The following DACH2 variants were observed in gnomAD, a reference collection of about 807,000 sequenced individuals.
The protein encoded by DACH2 is dachshund homolog 2.
DACH2 carries 17 observed loss-of-function variants against 35.8 expected under a neutral mutation model. The ratio of observed to expected loss-of-function variants is 0.48; its 90% CI spans 0.33 to 0.71. The LOEUF is 0.71. Among genes scored for constraint, DACH2 ranks in the 30% least tolerant of loss-of-function variants. The pLI, the probability that DACH2 is intolerant of heterozygous loss-of-function variation, is 0.02. For synonymous variants in DACH2, 195 were observed against 177.3 expected, an observed-to-expected ratio of 1.10 and a Z score of -0.79; for missense variants, 469 against 472.7, an observed-to-expected ratio of 0.99 and a Z score of 0.07.
intron 2 of DACH2, among the ~76,000 whole-genome samples, chrX:86,436,633 C>T (rs768672938): frequency 9.0e-6 from 1 of 110,683 alleles, no homozygotes; most frequent in East Asian, 2.8e-4. Flanking sequence ...GTTTTGGTAT[C>T]AGGTTAATGC....
intron 2 of DACH2, among the ~76,000 whole-genome samples, chrX:86,390,598 T>G (rs773474277): frequency 4.5e-5 from 5 of 110,751 alleles, no homozygotes; most frequent in Non-Finnish European, 9.4e-5. Context: ...TTATTATTAT[T>G]TTTTCTTTTT....
chrX:86,483,865 T>C (rs750568386), intron 2 of DACH2, among the ~76,000 whole-genome samples: 1 of 110,861 alleles, frequency 9.0e-6, no homozygotes, highest in Non-Finnish European at 1.9e-5. Context: ...GTTATGAGTA[T>C]CTTGTTTTTG....
intron 7 of DACH2, among the ~76,000 whole-genome samples, chrX:86,754,324 T>C (rs1383110968): frequency 9.1e-6 from 1 of 110,354 alleles, no homozygotes; most frequent in African/African-American, 3.3e-5. Flanking sequence ...TATGAGAGTT[T>C]AAGATGAATG....
intron 3 of DACH2, among the ~76,000 whole-genome samples, chrX:86,640,517 C>T (rs189844512): frequency 1.1e-3 from 120 of 111,200 alleles, no homozygotes; most frequent in African/African-American, 3.4e-3. Flanking sequence ...TCTCTCTCTG[C>T]GGTAGATCCC....
At chrX:86,515,822 T>C (rs1405210906) in intron 3 of DACH2, among the ~76,000 whole-genome samples, 1 of 112,419 alleles carries the variant, frequency 8.9e-6, no homozygotes, top group Non-Finnish European at 1.9e-5. Context: ...CAGAAAACAA[T>C]TGCCTGGAGG....
intron 1 of DACH2, among the ~76,000 whole-genome samples, chrX:86,317,851 T>C (rs985915825): frequency 9.0e-6 from 1 of 111,262 alleles, no homozygotes; most frequent in Non-Finnish European, 1.9e-5. Context: ...GTTAGTGACA[T>C]TGTTTACTCA....
chrX:86,315,332 A>T (rs759646891), intron 1 of DACH2, among the ~76,000 whole-genome samples: 1 of 112,270 alleles, frequency 8.9e-6, no homozygotes, highest in African/African-American at 3.2e-5. Context: ...TTCTTTCAAT[A>T]TATTACTGTT....
chrX:86,444,002 G>A (rs901369275), intron 2 of DACH2, among the ~76,000 whole-genome samples: 29 of 111,616 alleles, frequency 2.6e-4, no homozygotes, highest in African/African-American at 8.8e-4. Context: ...TGGTAATGCT[G>A]ACCTTGTAGA....
At chrX:86,452,956 T>G (rs779618381) in intron 2 of DACH2, among the ~76,000 whole-genome samples, 1 of 111,533 alleles carries the variant, frequency 9.0e-6, no homozygotes, top group Admixed American at 9.6e-5. Flanking sequence ...GGGCATTTAG[T>G]GCTATAAATT....
chrX:86,492,301 T>G (rs190538984), intron 2 of DACH2, among the ~76,000 whole-genome samples: 33 of 111,778 alleles, frequency 3.0e-4, no homozygotes, highest in Admixed American at 5.7e-4. Flanking sequence ...TTGCCAGCTG[T>G]GTGTACTGAT....
chrX:86,440,067 T>A (rs1336647312), intron 2 of DACH2, among the ~76,000 whole-genome samples: 1 of 111,371 alleles, frequency 9.0e-6, no homozygotes, highest in East Asian at 2.8e-4. Flanking sequence ...ATGTTCCAAG[T>A]GAACTTGAGA....
intron 2 of DACH2, among the ~76,000 whole-genome samples, chrX:86,498,692 G>A (rs1258805877): frequency 8.9e-6 from 1 of 111,759 alleles, no homozygotes; most frequent in African/African-American, 3.3e-5. Context: ...AATCCTACCT[G>A]GCTTATAGTT....
At chrX:86,759,439 C>T (rs934878636) in intron 7 of DACH2, among the ~76,000 whole-genome samples, 1 of 111,269 alleles carries the variant, frequency 9.0e-6, no homozygotes, top group African/African-American at 3.3e-5. Context: ...TATAGCTACT[C>T]CTACTTGCTT....
intron 7 of DACH2, among the ~76,000 whole-genome samples, chrX:86,745,572 T>C (rs2041703251): frequency 9.0e-6 from 1 of 111,618 alleles, no homozygotes; most frequent in Non-Finnish European, 1.9e-5. Context: ...CCCATCCATG[T>C]TGCTGCAAAG....
chrX:86,546,336 TTCCTCTTCTTCTTCTTCTTCC>T (rs2038956801), intron 3 of DACH2, among the ~76,000 whole-genome samples: 1 of 80,601 alleles, frequency 1.2e-5, no homozygotes, highest in African/African-American at 6.1e-5. Flanking sequence ...CTTCTTCTTC[TTCCTCTTCTTCTTCTTCTTCC>T]TCTTCTTCTT....
At chrX:86,409,959 C>T (rs754121925) in intron 2 of DACH2, among the ~76,000 whole-genome samples, 19 of 111,831 alleles carry the variant, frequency 1.7e-4, no homozygotes, top group Admixed American at 9.5e-4. Flanking sequence ...TTCTTAATAC[C>T]TGCTCTTTAT....
chrX:86,458,869 AG>A (rs1353746977), intron 2 of DACH2, among the ~76,000 whole-genome samples: 3 of 110,531 alleles, frequency 2.7e-5, no homozygotes, highest in African/African-American at 9.9e-5. Context: ...GTGGCCTGTC[AG>A]GGGGTGGAGG....
intron 1 of DACH2, among the ~76,000 whole-genome samples, chrX:86,224,613 T>A (rs1378491339): frequency 9.0e-6 from 1 of 111,543 alleles, no homozygotes; most frequent in African/African-American, 3.3e-5. Flanking sequence ...TATATTTTAT[T>A]GGGATGTAAA....
chrX:86,686,931 A>G (rs1007732315), intron 4 of DACH2, among the ~76,000 whole-genome samples: 1 of 112,212 alleles, frequency 8.9e-6, no homozygotes, highest in African/African-American at 3.2e-5. Context: ...ACATCTTGCA[A>G]CATTTTAATT....
Sources: allele counts gnomAD v4.1 joint callset (sites outside exome capture counted in the v4.1 genomes callset), GRCh38; gene constraint gnomAD v4.1.1; transcripts MANE v1.5; gene names NCBI Gene and HGNC (gene_info 2026-07-23, HGNC 2026-07-21).